The following NEO1 variants were observed in gnomAD, a reference collection of about 807,000 sequenced individuals.
NEO1 encodes neogenin.
Under a neutral mutation model 159.7 loss-of-function variants are expected in NEO1, and 63 were observed. The ratio of observed to expected loss-of-function variants is 0.39; its 90% CI spans 0.32 to 0.49. The LOEUF (loss-of-function observed/expected upper bound fraction) is 0.49. NEO1 is among the 20% of genes least tolerant of loss of function. NEO1 has a pLI of 0.85. For missense variants in NEO1, 1,615 were observed against 1,831.0 expected (o/e 0.88, Z 2.15); for synonymous variants, 633 against 662.0 (o/e 0.96, Z 0.67).
At chr15:73,102,625 T>C (rs2070465250) in intron 1 of NEO1, among the ~76,000 whole-genome samples, 2 of 152,214 alleles carry the variant, frequency 1.3e-5, no homozygotes, top group African/African-American at 4.8e-5. Flanking sequence ...CTTTCTGATA[T>C]ATTCCTTTGG....
chr15:73,094,150 A>C (rs1257665423), intron 1 of NEO1, among the ~76,000 whole-genome samples: 2 of 152,178 alleles, frequency 1.3e-5, no homozygotes, highest in African/African-American at 4.8e-5. Context: ...ATATATTCAC[A>C]GATGTGCAGC....
chr15:73,107,590 GCATTCACTGA>G (rs756787511), intron 1 of NEO1, among the ~76,000 whole-genome samples: 156 of 152,278 alleles, frequency 1.0e-3, no homozygotes, highest in Admixed American at 4.3e-3. Flanking sequence ...GCCTTTGTAA[GCATTCACTGA>G]ATCAGCATTC....
intron 1 of NEO1, among the ~76,000 whole-genome samples, chr15:73,080,391 C>T (rs930975182): frequency 6.6e-6 from 1 of 152,140 alleles, no homozygotes; most frequent in Non-Finnish European, 1.5e-5. Flanking sequence ...AGACAATTTA[C>T]CCTTAAGTTG....
chr15:73,161,259 G>A (rs185051169), intron 5 of NEO1, among the ~76,000 whole-genome samples: 6 of 152,134 alleles, frequency 3.9e-5, no homozygotes, highest in South Asian at 2.1e-4. Flanking sequence ...TTTTTGATAC[G>A]TATGGAATTT....
At chr15:73,291,109 A>G (rs2042148926) in intron 25 of NEO1, among the ~76,000 whole-genome samples, 1 of 152,196 alleles carries the variant, frequency 6.6e-6, no homozygotes, top group African/African-American at 2.4e-5. Flanking sequence ...TCCCTCTTAC[A>G]AGAGGTGCCC....
intron 12 of NEO1, among the ~76,000 whole-genome samples, chr15:73,253,670 T>A (rs998120106): frequency 5.9e-5 from 9 of 152,238 alleles, no homozygotes; most frequent in Non-Finnish European, 1.2e-4. Flanking sequence ...GCATTAAAGC[T>A]GGGCTTAAAA....
intron 5 of NEO1, among the ~76,000 whole-genome samples, chr15:73,173,870 CAGGT>C: frequency 6.6e-6 from 1 of 152,102 alleles, no homozygotes; most frequent in Admixed American, 6.5e-5. Context: ...GAGGCCGAGG[CAGGT>C]GGATCACCTG....
chr15:73,075,979 C>G (rs1201818892), intron 1 of NEO1, among the ~76,000 whole-genome samples: 2 of 151,976 alleles, frequency 1.3e-5, no homozygotes, highest in Non-Finnish European at 2.9e-5. Flanking sequence ...TTTTGCTAAG[C>G]TTTAGCACAA....
intron 2 of NEO1, among the ~76,000 whole-genome samples, chr15:73,121,275 C>T (rs1054531621): frequency 6.6e-6 from 1 of 152,262 alleles, no homozygotes; most frequent in Non-Finnish European, 1.5e-5. Flanking sequence ...CACTTGGTGG[C>T]TGTGTCCTTT....
intron 8 of NEO1, among the ~76,000 whole-genome samples, chr15:73,242,312 G>A (rs2039530226): frequency 6.6e-6 from 1 of 152,096 alleles, no homozygotes; most frequent in Admixed American, 6.5e-5. Context: ...ATATTTTTAT[G>A]TTATATGTAT....
chr15:73,217,839 G>T, intron 7 of NEO1, among the ~76,000 whole-genome samples: 1 of 152,106 alleles, frequency 6.6e-6, no homozygotes, highest in Non-Finnish European at 1.5e-5. Flanking sequence ...GAGACAATGG[G>T]GTTTTCTAGA....
intron 15 of NEO1, 29 bp from the exon 16 acceptor site, chr15:73,266,287 T>C: frequency 1.9e-6 from 3 of 1,572,912 alleles, no homozygotes; most frequent in Non-Finnish European, 2.6e-6. Flanking sequence ...TAGTGAGCAT[T>C]TTTTTAATGT....
At chr15:73,288,576 T>C (rs1254836497) in intron 24 of NEO1, 25 bp downstream of exon 24, 10 of 1,584,462 alleles carry the variant, frequency 6.3e-6, no homozygotes, top group Non-Finnish European at 6.1e-6. Flanking sequence ...GCAGGTTTTT[T>C]CTCAAATGTT....
chr15:73,228,535 A>T (rs2038724561), intron 7 of NEO1, among the ~76,000 whole-genome samples: 2 of 139,742 alleles, frequency 1.4e-5, no homozygotes, highest in African/African-American at 2.7e-5. Context: ...TCATTTACTT[A>T]GTTTTGGGTT....
At chr15:73,120,080 G>A (rs769771756) in intron 2 of NEO1, among the ~76,000 whole-genome samples, 38 of 152,084 alleles carry the variant, frequency 2.5e-4, no homozygotes, top group Admixed American at 3.3e-4. Flanking sequence ...ATGTTGCAGT[G>A]AGCCAAGATT....
intron 7 of NEO1, among the ~76,000 whole-genome samples, chr15:73,189,762 T>C (rs1281129161): frequency 2.0e-5 from 3 of 152,238 alleles, no homozygotes. Context: ...AAACATTAAA[T>C]GAAACTTAAT....
intron 1 of NEO1, among the ~76,000 whole-genome samples, chr15:73,081,431 G>C (rs1358153557): frequency 6.6e-6 from 1 of 152,158 alleles, no homozygotes; most frequent in Non-Finnish European, 1.5e-5. Flanking sequence ...GTGGTTAACT[G>C]GCTCAGGTTC....
chr15:73,146,863 C>T (rs990152478), intron 5 of NEO1, among the ~76,000 whole-genome samples: 5 of 152,170 alleles, frequency 3.3e-5, no homozygotes, highest in Admixed American at 6.5e-5. Context: ...GTTTGTACAT[C>T]AGGCAAAATG....
chr15:73,080,408 C>T (rs2068980884), intron 1 of NEO1, among the ~76,000 whole-genome samples: 1 of 152,088 alleles, frequency 6.6e-6, no homozygotes, highest in Non-Finnish European at 1.5e-5. Context: ...GTTGGTGAGC[C>T]CTGGATCCCC....
Sources: gnomAD v4.1 joint callset for allele counts (sites outside exome capture counted in the v4.1 genomes callset) on GRCh38, gnomAD v4.1.1 for gene constraint, MANE v1.5 for transcripts, NCBI Gene and HGNC (gene_info 2026-07-23, HGNC 2026-07-21) for gene names.